TRAF3: variants seen among roughly 807,000 people sequenced by gnomAD.
The protein encoded by TRAF3 is TNF receptor-associated factor 3.
A neutral mutation model predicts 62.3 loss-of-function variants in TRAF3; 13 were observed. That is an observed-to-expected ratio of 0.21 (90% CI 0.14 to 0.33). TRAF3 has a LOEUF of 0.33. TRAF3 is among the 10% of genes least tolerant of loss of function. The pLI, the probability that TRAF3 is intolerant of heterozygous loss-of-function variation, is 1.00. For missense variants in TRAF3, 440 were observed against 741.8 expected (o/e 0.59, Z 4.73); for synonymous variants, 269 against 283.4 (o/e 0.95, Z 0.51).
At chr14:102,861,641 A>G (rs542861597) in intron 2 of TRAF3, among the ~76,000 whole-genome samples, 1 of 152,178 alleles carries the variant, frequency 6.6e-6, no homozygotes, top group Non-Finnish European at 1.5e-5. Flanking sequence ...GTTACCGGAA[A>G]GGGGTCCCAA....
chr14:102,785,030 G>GA lies in TRAF3; in HGVS notation c.-157+7357dup, dbSNP rs1897428239. 2.0e-5 allele frequency among the ~76,000 whole-genome samples: 3 copies of GA among 152,192 alleles called. No homozygotes were observed. The South Asian group carries it at 6.2e-4, about 32-fold the overall frequency. On this transcript the variant is annotated intron_variant, in intron 1 of 11. Coordinates refer to ENST00000392745, the MANE Select transcript of TRAF3 (RefSeq NM_145725.3). ...TCCCCATTTTGCAGATGAGGAAAAG[G>GA]AAGAGCAACAGGCCTGTTGGACCCC...
intron 1 of TRAF3, among the ~76,000 whole-genome samples, chr14:102,823,769 C>A (rs563354855): frequency 6.6e-6 from 1 of 152,264 alleles, no homozygotes; most frequent in African/African-American, 2.4e-5. Context: ...ATACAATTAC[C>A]TATTTAAAGT....
chr14:102,889,409 A>G, intron 7 of TRAF3, 151 bp from the exon 8 acceptor site: 1 of 760,690 alleles, frequency 1.3e-6, no homozygotes, highest in Non-Finnish European at 2.3e-6. Context: ...TATTTACTGC[A>G]TAGAAGTCTA....
chr14:102,829,315 A>G (rs1900518891), intron 1 of TRAF3, among the ~76,000 whole-genome samples: 1 of 152,242 alleles, frequency 6.6e-6, no homozygotes, highest in Admixed American at 6.5e-5. Context: ...TGATTAGTGT[A>G]AATAAATTCA....
intron 7 of TRAF3, among the ~76,000 whole-genome samples, chr14:102,886,905 G>A (rs1298081820): frequency 3.9e-5 from 6 of 152,348 alleles, no homozygotes; most frequent in Admixed American, 3.9e-4. Flanking sequence ...AGTAATTGCT[G>A]TAAGATTATC....
chr14:102,853,846 A>AT (rs1359931898), intron 2 of TRAF3, among the ~76,000 whole-genome samples: 1 of 151,784 alleles, frequency 6.6e-6, no homozygotes. Context: ...CTAAAAAAAA[A>AT]AAAAAAAGAA....
chr14:102,782,333 A>G (rs1178883831), intron 1 of TRAF3, among the ~76,000 whole-genome samples: 1 of 152,034 alleles, frequency 6.6e-6, no homozygotes, highest in Non-Finnish European at 1.5e-5. Context: ...TCCTGGGCTC[A>G]AGCAATGCTC....
At chr14:102,842,514 A>G (rs1886437211) in intron 2 of TRAF3, among the ~76,000 whole-genome samples, 1 of 152,098 alleles carries the variant, frequency 6.6e-6, no homozygotes. Flanking sequence ...AGCTGACTTA[A>G]GATATGTATA....
intron 10 of TRAF3, among the ~76,000 whole-genome samples, chr14:102,899,220 T>G (rs1469233560): frequency 6.6e-6 from 1 of 152,208 alleles, no homozygotes; most frequent in Non-Finnish European, 1.5e-5. Context: ...GTGGGGTTGG[T>G]GGTCTTTGGC....
chr14:102,842,286 TAATAA>T (rs936621577), intron 2 of TRAF3, among the ~76,000 whole-genome samples: 2 of 147,532 alleles, frequency 1.4e-5, no homozygotes, highest in Non-Finnish European at 3.0e-5. Flanking sequence ...TTTATTTATA[TAATAA>T]AATATATAAT....
At chr14:102,858,695 G>T (rs1887518764) in intron 2 of TRAF3, among the ~76,000 whole-genome samples, 1 of 152,024 alleles carries the variant, frequency 6.6e-6, no homozygotes, top group African/African-American at 2.4e-5. Context: ...AGTAACATAT[G>T]CTAAGTCATA....
intron 2 of TRAF3, among the ~76,000 whole-genome samples, chr14:102,863,636 G>T (rs1363494094): frequency 6.6e-6 from 1 of 152,200 alleles, no homozygotes; most frequent in Non-Finnish European, 1.5e-5. Flanking sequence ...GGATTTCCAA[G>T]AATGTGTCAG....
intron 1 of TRAF3, among the ~76,000 whole-genome samples, chr14:102,822,962 C>T (rs1297303576): frequency 4.6e-5 from 7 of 151,114 alleles, no homozygotes; most frequent in Admixed American, 6.6e-5. Flanking sequence ...GCCGAGATCA[C>T]GCCATTGCAC....
intron 9 of TRAF3, chr14:102,895,227 G>T (rs547029897): frequency 7.4e-5 from 29 of 391,710 alleles, no homozygotes; most frequent in South Asian, 5.3e-4. Flanking sequence ...GTTCATGGAC[G>T]TATGAGGCAA....
chr14:102,837,500 T>A (rs1886097235), intron 2 of TRAF3, among the ~76,000 whole-genome samples: 1 of 152,190 alleles, frequency 6.6e-6, no homozygotes, highest in African/African-American at 2.4e-5. Context: ...GCCGAGATCT[T>A]AAAATCTATT....
Position 102,828,063 on chromosome 14 carries a change from C to T in TRAF3, c.-156-2271C>T, listed in dbSNP as rs184948782. Among the ~76,000 whole-genome samples, 876 of 152,372 alleles carry T rather than the reference C, an allele frequency of 5.7e-3. 10 individuals carry two copies. Among genetic ancestry groups the T allele is most frequent in the Admixed American group, 1.0e-2 (153 of 15,310 alleles). ...CGCACTCGTTTCCGCATTCCCACCC[C>T]GCACGGCCAGTTGTCACAGCCATCC... is the stretch of plus-strand genomic sequence containing the variant. On this transcript the variant is annotated intron_variant, in intron 1 of 11. Transcript: ENST00000392745.
chr14:102,803,163 C>G (rs982402068), intron 1 of TRAF3, among the ~76,000 whole-genome samples: 5 of 152,242 alleles, frequency 3.3e-5, no homozygotes, highest in African/African-American at 1.2e-4. Flanking sequence ...GGTAGAGACA[C>G]AGCCCTATCA....
intron 2 of TRAF3, among the ~76,000 whole-genome samples, chr14:102,867,199 A>T (rs1595375965): frequency 1.3e-5 from 2 of 152,190 alleles, no homozygotes; most frequent in African/African-American, 4.8e-5. Context: ...TGCTCTTTAG[A>T]TGTAGAGTCC....
At position 102,879,232 on chromosome 14, in the gene TRAF3, C is replaced by T. The variant is rs1888898626; in HGVS notation, c.570+2707C>T. ...AAGGGAGGCACCAGGGCAGCTCAGCCAGGGCGTGGGCCATCATCCAGTTCC... is the reference window on the plus strand; with the variant it reads ...AAGGGAGGCACCAGGGCAGCTCAGCTAGGGCGTGGGCCATCATCCAGTTCC... On this transcript the variant is annotated intron_variant, in intron 6 of 11. Coordinates refer to ENST00000392745, the MANE Select transcript of TRAF3 (RefSeq NM_145725.3). 2.0e-5 allele frequency among the ~76,000 whole-genome samples: 3 copies of T among 152,232 alleles called. No homozygotes were observed. The South Asian group carries it at 6.2e-4, about 32-fold the overall frequency.
Sources: gnomAD v4.1 joint callset for allele counts (sites outside exome capture counted in the v4.1 genomes callset) on GRCh38, gnomAD v4.1.1 for gene constraint, MANE v1.5 for transcripts, NCBI Gene and HGNC (gene_info 2026-07-23, HGNC 2026-07-21) for gene names.